Variants in SLC30A8 observed in about 807,000 individuals in gnomAD.
SLC30A8 encodes solute carrier family 30 member 8.
Under a neutral mutation model 36.9 loss-of-function variants are expected in SLC30A8, and 27 were observed. The ratio of observed to expected loss-of-function variants is 0.73; its 90% CI spans 0.54 to 1.01. The LOEUF (loss-of-function observed/expected upper bound fraction) is 1.01, where lower values mean the gene tolerates loss of function less well. Among genes scored for constraint, SLC30A8 ranks in the 50% least tolerant of loss-of-function variants. SLC30A8 has a pLI of 0.00. For synonymous variants in SLC30A8, 164 were observed against 172.4 expected (o/e 0.95, Z 0.38); for missense variants, 439 against 452.0 (o/e 0.97, Z 0.26).
At chr8:117,129,322 A>G (rs1284478868) in intron 2 of SLC30A8, among the ~76,000 whole-genome samples, 3 of 152,040 alleles carry the variant, frequency 2.0e-5, no homozygotes, top group Non-Finnish European at 2.9e-5. Flanking sequence ...AAATGACTGT[A>G]TGGTATAAAG....
At chr8:116,968,542 A>C (rs1814677852) in intron 1 of SLC30A8, among the ~76,000 whole-genome samples, 1 of 151,814 alleles carries the variant, frequency 6.6e-6, no homozygotes, top group South Asian at 2.1e-4. Context: ...GGAACTTGGA[A>C]GATTGACATT....
At chr8:117,095,728 C>T (rs1819333043) in intron 2 of SLC30A8, among the ~76,000 whole-genome samples, 1 of 152,182 alleles carries the variant, frequency 6.6e-6, no homozygotes, top group Admixed American at 6.5e-5. Flanking sequence ...AGGGCTTCCA[C>T]TTGCTAGGCA....
intron 1 of SLC30A8, among the ~76,000 whole-genome samples, chr8:117,008,743 T>C (rs1816255584): frequency 6.6e-6 from 1 of 152,206 alleles, no homozygotes; most frequent in Admixed American, 6.6e-5. Context: ...CCCCTTCTGC[T>C]TCAGGTCATG....
At chr8:116,963,039 C>T (rs552469842) in intron 1 of SLC30A8, among the ~76,000 whole-genome samples, 5 of 150,196 alleles carry the variant, frequency 3.3e-5, no homozygotes, top group South Asian at 2.2e-4. Context: ...GAGAGAAACA[C>T]GCAGCTCAGT....
intron 2 of SLC30A8, among the ~76,000 whole-genome samples, chr8:117,058,531 T>G (rs897425407): frequency 4.6e-5 from 7 of 152,142 alleles, no homozygotes; most frequent in African/African-American, 1.7e-4. Context: ...AACTTCACCT[T>G]CTAATACCAT....
chr8:116,976,696 A>G (rs1815024064), intron 1 of SLC30A8, among the ~76,000 whole-genome samples: 1 of 152,132 alleles, frequency 6.6e-6, no homozygotes, highest in Non-Finnish European at 1.5e-5. Flanking sequence ...ATCACAATGT[A>G]GGTTACCTGT....
At chr8:117,049,726 A>T (rs1817652658) in intron 2 of SLC30A8, among the ~76,000 whole-genome samples, 1 of 152,202 alleles carries the variant, frequency 6.6e-6, no homozygotes, top group South Asian at 2.1e-4. Flanking sequence ...TCTTTATCAG[A>T]ATAAGCAAGA....
intron 1 of SLC30A8, among the ~76,000 whole-genome samples, chr8:117,026,657 T>G (rs1014422224): frequency 9.2e-5 from 14 of 152,186 alleles, no homozygotes; most frequent in Non-Finnish European, 1.6e-4. Flanking sequence ...AAATGTACAC[T>G]GTTAGACAAG....
At chr8:116,972,107 T>C (rs1383771912) in intron 1 of SLC30A8, among the ~76,000 whole-genome samples, 1 of 152,242 alleles carries the variant, frequency 6.6e-6, no homozygotes, top group African/African-American at 2.4e-5. Flanking sequence ...GAACCAGTTA[T>C]GTAATACCTT....
intron 2 of SLC30A8, among the ~76,000 whole-genome samples, chr8:117,149,338 G>A (rs545849917): frequency 5.1e-4 from 77 of 152,290 alleles, no homozygotes; most frequent in Admixed American, 2.0e-3. Context: ...TTGGCATTAT[G>A]ATAGTAGCTA....
intron 2 of SLC30A8, among the ~76,000 whole-genome samples, chr8:117,043,387 A>G (rs1458248020): frequency 6.6e-6 from 1 of 152,184 alleles, no homozygotes; most frequent in African/African-American, 2.4e-5. Flanking sequence ...GTTTGTGAGG[A>G]TGAGTGGGAA....
intron 7 of SLC30A8, 23 bp downstream of exon 7, chr8:117,171,191 C>G: frequency 1.2e-6 from 2 of 1,612,888 alleles, no homozygotes; most frequent in South Asian, 2.2e-5. Flanking sequence ...TGTAAACACC[C>G]TGGAAAAAAT....
intron 2 of SLC30A8, among the ~76,000 whole-genome samples, chr8:117,076,077 C>A (rs1410727523): frequency 6.6e-6 from 1 of 152,116 alleles, no homozygotes. Context: ...GGTATTTAAA[C>A]CAATTTTAAT....
intron 2 of SLC30A8, among the ~76,000 whole-genome samples, chr8:117,107,386 T>C (rs893960517): frequency 6.6e-6 from 1 of 152,170 alleles, no homozygotes; most frequent in East Asian, 1.9e-4. Context: ...TGCCTTGCAA[T>C]GGGCATTGGA....
At chr8:117,041,653 C>T (rs748796748) in intron 2 of SLC30A8, among the ~76,000 whole-genome samples, 3 of 151,780 alleles carry the variant, frequency 2.0e-5, no homozygotes, top group Non-Finnish European at 4.4e-5. Flanking sequence ...CAGGCCATTG[C>T]ACTCCACCCT....
intron 1 of SLC30A8, among the ~76,000 whole-genome samples, chr8:116,984,541 T>C (rs1815377953): frequency 6.6e-6 from 1 of 152,166 alleles, no homozygotes; most frequent in African/African-American, 2.4e-5. Context: ...GGGTTTTAAT[T>C]TGCATGTGAT....
rs574004845 is a variant in SLC30A8 at position 116,984,209 on chromosome 8, T to C, written c.-266+33090T>C. 6.6e-4 allele frequency among the ~76,000 whole-genome samples: 100 copies of C among 152,310 alleles called. 1 individual carries two copies. In the South Asian group the frequency reaches 0.02, roughly 31 times the overall value. On this transcript the variant is annotated intron_variant, in intron 1 of 10. Transcript: ENST00000427715. ...GTCATAGTTTGTTTAACTTTTCACC[T>C]ATGAAATGACATTAGGATTGTTTCT...
intron 7 of SLC30A8, among the ~76,000 whole-genome samples, chr8:117,171,582 C>T (rs926811448): frequency 1.3e-5 from 2 of 152,058 alleles, no homozygotes; most frequent in African/African-American, 4.8e-5. Context: ...ATGAAAGAGA[C>T]ACCAGCCCCA....
chr8:117,050,195 C>T (rs1457929198), intron 2 of SLC30A8, among the ~76,000 whole-genome samples: 1 of 152,080 alleles, frequency 6.6e-6, no homozygotes, highest in Non-Finnish European at 1.5e-5. Context: ...AGTCTGTGGC[C>T]CGGCTCTGCT....
Sources: gnomAD v4.1 joint callset for allele counts (sites outside exome capture counted in the v4.1 genomes callset) on GRCh38, gnomAD v4.1.1 for gene constraint, MANE v1.5 for transcripts, NCBI Gene and HGNC (gene_info 2026-07-23, HGNC 2026-07-21) for gene names.